Variants in BRWD1 observed in about 807,000 individuals in gnomAD.
The protein encoded by BRWD1 is bromodomain and WD repeat-containing protein 1.
BRWD1 carries 82 observed loss-of-function variants against 251.2 expected under a neutral mutation model. That is an observed-to-expected ratio of 0.33 (90% CI 0.27 to 0.39). The LOEUF (loss-of-function observed/expected upper bound fraction) is 0.39, where lower values mean the gene tolerates loss of function less well. BRWD1 is among the 10% of genes least tolerant of loss of function. BRWD1 has a pLI of 1.00. For missense variants in BRWD1, 2,233 were observed against 2,711.6 expected, an observed-to-expected ratio of 0.82 and a Z score of 3.92; for synonymous variants, 918 against 902.8, an observed-to-expected ratio of 1.02 and a Z score of -0.30.
chr21:39,233,944 C>T (rs188571559), intron 23 of BRWD1, among the ~76,000 whole-genome samples: 3 of 152,256 alleles, frequency 2.0e-5, no homozygotes, highest in Admixed American at 1.3e-4. Flanking sequence ...TGCTTGAACA[C>T]GGGAGGTGGA....
Position 39,196,474 on chromosome 21 carries a change from A to G in BRWD1, c.6595T>C (p.Ser2199Pro), listed in dbSNP as rs2031821455. 1 of 1,613,106 alleles carries G rather than the reference A, an allele frequency of 6.2e-7. No homozygotes were observed. The highest frequency in any genetic ancestry group is 8.5e-7 in the Non-Finnish European group (1 of 1,179,644). The change falls in exon 41 of 41, where the codon TCT becomes CCT. Residue 2199 changes from serine to proline, a missense_variant. Transcript: ENST00000342449. ...TGTCTTTGACGTCTCACAGTTTTAG[A>G]TATGTTAGCTGTAAAAGTTTTACCT... ...RKGKTFTANI[S>P]KTVRRQRQSK...
intron 18 of BRWD1, among the ~76,000 whole-genome samples, chr21:39,257,662 G>T (rs1395446498): frequency 6.6e-6 from 1 of 151,984 alleles, no homozygotes; most frequent in Non-Finnish European, 1.5e-5. Context: ...ATCATATTCA[G>T]CTTGTTGAAT....
chr21:39,292,132 T>TGGGGG lies in BRWD1; in HGVS notation c.831+1674_831+1678dup, dbSNP rs1182694435. 4.0e-4 allele frequency among the ~76,000 whole-genome samples: 5 copies of TGGGGG among 12,380 alleles called. 1 individual carries two copies. Among genetic ancestry groups the TGGGGG allele is most frequent in the Non-Finnish European group, 7.1e-4 (4 of 5,608 alleles). 8.1% of individuals were successfully genotyped at this position (12,380 alleles called of 152,430 possible). A position where few individuals can be genotyped will look rare whatever the true frequency, so the allele number is the denominator to read the frequency against. ...ATTTTTTGTGGGGGGTGGGTGGGGGTGGGGGGGGGGGTCTCACTAAGTTGC... is the reference window on the plus strand; with the variant it reads ...ATTTTTTGTGGGGGGTGGGTGGGGGTGGGGGGGGGGGGGGGGTCTCACTAAGTTGC... On this transcript the variant is annotated intron_variant, in intron 8 of 40. Coordinates refer to ENST00000342449, the MANE Select transcript of BRWD1 (RefSeq NM_033656.4).
intron 25 of BRWD1, among the ~76,000 whole-genome samples, chr21:39,231,918 A>G (rs931012457): frequency 8.5e-5 from 13 of 152,272 alleles, no homozygotes; most frequent in Admixed American, 4.6e-4. Flanking sequence ...GTGATAATAT[A>G]TATATTGCCA....
At chr21:39,264,022 T>A (rs1024690882) in intron 17 of BRWD1, among the ~76,000 whole-genome samples, 1 of 152,114 alleles carries the variant, frequency 6.6e-6, no homozygotes, top group Non-Finnish European at 1.5e-5. Flanking sequence ...TACATCAACA[T>A]CATGAAAGTC....
At chr21:39,214,956 G>A (rs1449686201) in intron 32 of BRWD1, among the ~76,000 whole-genome samples, 3 of 145,934 alleles carry the variant, frequency 2.1e-5, no homozygotes, top group South Asian at 2.2e-4. Context: ...ATCCACACAC[G>A]ATTGGGCTCA....
chr21:39,286,054 G>A (rs9976346), intron 8 of BRWD1, among the ~76,000 whole-genome samples: 13,625 of 119,192 alleles, frequency 0.11, 771 homozygotes, highest in Middle Eastern at 0.2. Flanking sequence ...TCGCTCTGTC[G>A]CCCAGGCTAG....
Position 39,197,355 on chromosome 21 carries a change from C to G in BRWD1, c.5714G>C (p.Ser1905Thr). 1 of 1,613,106 alleles carries G rather than the reference C, an allele frequency of 6.2e-7. No homozygotes were observed. Among genetic ancestry groups the G allele is most frequent in the South Asian group, 1.1e-5 (1 of 90,800 alleles). ...RKISRKRVCS[S>T]DSDSSLQVVK... ...CACCTGTAAACTACTGTCTGAGTCACTGGAACAGACCCTTTTCCTGGAAAT... is the reference window on the plus strand; with the variant it reads ...CACCTGTAAACTACTGTCTGAGTCAGTGGAACAGACCCTTTTCCTGGAAAT... The change falls in exon 41 of 41, where the codon AGT becomes ACT. Residue 1905 changes from serine to threonine, a missense_variant. By Grantham distance (58) the Ser-to-Thr change is moderately conservative (BLOSUM62 1). Coordinates refer to ENST00000342449, the MANE Select transcript of BRWD1 (RefSeq NM_033656.4).
intron 4 of BRWD1, among the ~76,000 whole-genome samples, chr21:39,299,762 G>A (rs1388551218): frequency 6.6e-6 from 1 of 151,716 alleles, no homozygotes; most frequent in East Asian, 1.9e-4. Context: ...ATCACTAGAG[G>A]TCAAGAGCTC....
chr21:39,312,344 G>A (rs2036514206), intron 4 of BRWD1, among the ~76,000 whole-genome samples: 2 of 152,216 alleles, frequency 1.3e-5, no homozygotes, highest in South Asian at 2.1e-4. Context: ...TTTTTATGAC[G>A]CTGCTGACAA....
chr21:39,187,127 C>T lies in BRWD1; in HGVS notation c.*9132G>A. The stretch of plus-strand genomic sequence containing the variant: ...TCACTTTCAGAATTTATGGTTGTAT[C>T]ATCCTCTTTATAAACATTCAGTAAT... On this transcript the variant is annotated 3_prime_UTR_variant, in exon 41 of 41. Transcript: ENST00000342449. 2 of 1,612,602 alleles carry T rather than the reference C, an allele frequency of 1.2e-6. No individual in the cohort carries two copies. Among genetic ancestry groups the T allele is most frequent in the South Asian group, 2.2e-5 (2 of 90,502 alleles).
chr21:39,274,304 C>A (rs9977574), intron 13 of BRWD1, 70 bp downstream of exon 13: 98,783 of 987,716 alleles, frequency 0.1, 3,170 homozygotes, highest in Admixed American at 0.13. Context: ...ACACAGAGAG[C>A]GAGAGAGAGA....
Position 39,210,859 on chromosome 21 carries a change from T to G in BRWD1, c.3971A>C (p.Glu1324Ala), listed in dbSNP as rs2032623812. ...ACACTGAAAAATTAAGTTCACTAGT[T>G]CCTTACACTGTTTCTTCCAGTTGCT... ...VESNWKKQCK[E>A]LVNLIFQCED... The change falls in exon 35 of 41, where the codon GAA becomes GCA. Residue 1324 changes from glutamate to alanine, a missense_variant. This residue lies in a region of BRWD1 where 167 missense variants were observed against 183.2 expected (regional missense o/e 0.91). Coordinates refer to ENST00000342449, the MANE Select transcript of BRWD1 (RefSeq NM_033656.4). 6.2e-7 allele frequency: 1 copy of G among 1,612,896 alleles called. No homozygotes were observed. The highest frequency in any genetic ancestry group is 1.3e-5 in the African/African-American group (1 of 74,870).
At chr21:39,243,738 C>T (rs1037525156) in intron 21 of BRWD1, among the ~76,000 whole-genome samples, 18 of 152,294 alleles carry the variant, frequency 1.2e-4, no homozygotes, top group African/African-American at 3.4e-4. Context: ...AGGCATGAGA[C>T]ACTGCACCCA....
intron 29 of BRWD1, among the ~76,000 whole-genome samples, chr21:39,223,812 G>T (rs573532691): frequency 6.6e-6 from 1 of 152,282 alleles, no homozygotes; most frequent in South Asian, 2.1e-4. Context: ...GATTAAGAAT[G>T]AGGTAGGAAA....
chr21:39,313,353 G>A lies in BRWD1; in HGVS notation c.50-54C>T, dbSNP rs905331394. The A allele has an allele frequency of 2.7e-6, 4 of 1,497,462 alleles. No individual in the cohort carries two copies. In the Admixed American group the frequency reaches 8.5e-5, roughly 32 times the overall value. The allele number at this position is 1,497,462 out of a possible 1,614,324, so 92.8% of individuals were successfully genotyped here. On this transcript the variant is annotated intron_variant, in intron 1 of 40. Transcript: ENST00000342449. The stretch of plus-strand genomic sequence containing the variant: ...CCCCGGCGGGGAGGGGAGGGGGACG[G>A]GGCCAGGGGAGCCGGGGGAGCCCGG...
chr21:39,224,403 T>C lies in BRWD1; in HGVS notation c.3382+5A>G, dbSNP rs2033301116. The C allele has an allele frequency of 1.3e-6, 2 of 1,539,886 alleles. No homozygotes were observed. The highest frequency in any genetic ancestry group is 1.4e-5 in the African/African-American group (1 of 73,072). On this transcript the variant is annotated splice_donor_5th_base_variant and intron_variant, in intron 29 of 40. Coordinates refer to ENST00000342449, the MANE Select transcript of BRWD1 (RefSeq NM_033656.4). ...ATGTTTTCATTATTTAACAAATATA[T>C]ATACCATTATCAGGAATTGGTTCCA...
rs181519595 is a variant in BRWD1, at chr21:39,222,038, A to G, written c.3382+2370T>C. ...AATCGAAATCACAATAATACTTCCT[A>G]TAAGTTAAAAAAAACAAAAGTATCC... On this transcript the variant is annotated intron_variant, in intron 29 of 40. Coordinates refer to ENST00000342449, the MANE Select transcript of BRWD1 (RefSeq NM_033656.4). 1.9e-3 allele frequency among the ~76,000 whole-genome samples: 297 copies of G among 152,320 alleles called. 1 individual carries two copies. Among genetic ancestry groups the G allele is most frequent in the Non-Finnish European group, 3.5e-3 (239 of 68,022 alleles).
chr21:39,238,650 T>C (rs2033892512), intron 21 of BRWD1, 77 bp from the exon 22 acceptor site: 1 of 887,190 alleles, frequency 1.1e-6, no homozygotes, highest in Non-Finnish European at 1.9e-6. Context: ...CTGTACACAA[T>C]CCTCCCCAGT....
Sources: allele counts gnomAD v4.1 joint callset (sites outside exome capture counted in the v4.1 genomes callset), GRCh38; gene constraint gnomAD v4.1.1; regional missense constraint gnomAD v4.1.1; transcripts MANE v1.5; gene names NCBI Gene and HGNC (gene_info 2026-07-23, HGNC 2026-07-21).